Variants in C1QBP observed in about 807,000 individuals in gnomAD.
The protein encoded by C1QBP is complement component 1 Q subcomponent-binding protein, mitochondrial.
Under a neutral mutation model 29.4 loss-of-function variants are expected in C1QBP, and 24 were observed. That is an observed-to-expected ratio of 0.82 (90% CI 0.59 to 1.15). C1QBP has a LOEUF of 1.15. C1QBP is among the 50% of genes most tolerant of loss of function. The pLI is 0.00. For synonymous variants in C1QBP, 182 were observed against 149.2 expected (o/e 1.22, Z -1.60); for missense variants, 337 against 355.8 (o/e 0.95, Z 0.43).
rs549152443 is a variant in C1QBP, at chr17:5,434,905, G to A, written c.445C>T (p.Pro149Ser). 42 of 1,614,032 alleles carry A rather than the reference G, an allele frequency of 2.6e-5. No homozygotes were observed. In the African/African-American group the frequency reaches 4.1e-4, roughly 16 times the overall value. The change falls in exon 3 of 6, where the codon CCC (proline) becomes TCC (serine). Residue 149 changes from proline (P) to serine (S), a missense_variant. Coordinates refer to ENST00000225698, the MANE Select transcript of C1QBP (RefSeq NM_001212.4). ...TCTTCAACCTTCTGCCCTTGCGAGGGTTCCTCCTCACCATCAAATGTTGGT... is the reference window on the plus strand; with the variant it reads ...TCTTCAACCTTCTGCCCTTGCGAGGATTCCTCCTCACCATCAAATGTTGGT... ...IPPTFDGEEE[P>S]SQGQKVEEQE...
At chr17:5,438,437 A>G in intron 1 of C1QBP, 164 bp from the exon 2 acceptor site, 1 of 893,600 alleles carries the variant, frequency 1.1e-6, no homozygotes, top group Non-Finnish European at 1.6e-6. Context: ...CCATAATAGT[A>G]GTAGGAAGCT....
chr17:5,434,085 A>G (rs992294672), intron 3 of C1QBP: 2 of 326,372 alleles, frequency 6.1e-6, no homozygotes, highest in Non-Finnish European at 1.2e-5. Context: ...AGCTTTCCTA[A>G]AGTTTCAAGA....
chr17:5,436,869 T>C (rs543957142), intron 2 of C1QBP, among the ~76,000 whole-genome samples: 1 of 152,062 alleles, frequency 6.6e-6, no homozygotes, highest in East Asian at 1.9e-4. Flanking sequence ...AATACAAAAA[T>C]TAACCGGACG....
chr17:5,433,495 G>A, intron 4 of C1QBP, 80 bp from the exon 5 acceptor site: 1 of 1,579,764 alleles, frequency 6.3e-7, no homozygotes, highest in Admixed American at 1.7e-5. Context: ...GCCACTGACA[G>A]CATGAAACTC....
At chr17:5,436,279 G>C (rs1313801594) in intron 2 of C1QBP, among the ~76,000 whole-genome samples, 3 of 151,206 alleles carry the variant, frequency 2.0e-5, no homozygotes, top group Non-Finnish European at 2.9e-5. Context: ...TGCGCAAATG[G>C]TGTTTAGGTG....
Position 5,439,121 on chromosome 17 carries a change from C to G in C1QBP, c.-48G>C, listed in dbSNP as rs1448598636. On this transcript the variant is annotated 5_prime_UTR_variant, in exon 1 of 6. Transcript: ENST00000225698. ...TGCAGATGCAAAGGACAACCCAGGCCTAGGCGCCCCGCGACCTGAGGCGCC... is the reference window on the plus strand; with the variant it reads ...TGCAGATGCAAAGGACAACCCAGGCGTAGGCGCCCCGCGACCTGAGGCGCC... The G allele has an allele frequency of 2.6e-6, 4 of 1,534,750 alleles. No individual in the cohort carries two copies. Among genetic ancestry groups the G allele is most frequent in the African/African-American group, 2.8e-5 (2 of 71,336 alleles).
intron 2 of C1QBP, among the ~76,000 whole-genome samples, chr17:5,436,040 G>C (rs1266743788): frequency 8.0e-6 from 1 of 125,210 alleles, no homozygotes; most frequent in Non-Finnish European, 1.6e-5. Flanking sequence ...GCAAGACTCT[G>C]TCAGAAAAAA....
At chr17:5,437,098 T>C (rs1916294534) in intron 2 of C1QBP, among the ~76,000 whole-genome samples, 1 of 152,160 alleles carries the variant, frequency 6.6e-6, no homozygotes, top group African/African-American at 2.4e-5. Flanking sequence ...AGTGATTACC[T>C]GGGGTGGCTA....
intron 2 of C1QBP, 49 bp downstream of exon 2, chr17:5,438,074 T>A (rs2472613): frequency 1.3e-6 from 2 of 1,592,246 alleles, no homozygotes; most frequent in Non-Finnish European, 1.7e-6. Flanking sequence ...GGATGGGTCC[T>A]GCAAGGTTAA....
chr17:5,433,808 A>G, intron 3 of C1QBP, 41 bp from the exon 4 acceptor site: 1 of 1,546,382 alleles, frequency 6.5e-7, no homozygotes, highest in Non-Finnish European at 8.9e-7. Flanking sequence ...TGCTGGAAGG[A>G]GATGGATGGC....
In C1QBP at chr17:5,433,002, G is replaced by C; in HGVS notation, c.*13C>G. 6.2e-7 allele frequency: 1 copy of C among 1,604,402 alleles called. No individual in the cohort carries two copies. Among genetic ancestry groups the C allele is most frequent in the East Asian group, 2.2e-5 (1 of 44,780 alleles). On this transcript the variant is annotated 3_prime_UTR_variant, in exon 6 of 6. Transcript: ENST00000225698. The stretch of plus-strand genomic sequence containing the variant: ...GCCTGCCATGAAACTATGGCTTTCA[G>C]CATCTGTCTGCTCTACTGGCTCTTG...
rs565317994 is a variant in C1QBP, at chr17:5,438,131, G to T, written c.375C>A (p.Ala125=). The change falls in exon 2 of 6, where the codon GCC becomes GCA. Residue 125 remains alanine (A), a synonymous_variant. Transcript: ENST00000225698. ...GTEAKLVRKV[A]GEKITVTFNI... is the part of the protein sequence containing the mutation. ...CCCAGACCAGTACTTACTTTTCCCC[G>T]GCAACTTTCCGCACTAATTTCGCTT... is the stretch of plus-strand genomic sequence containing the variant. 138 of 1,612,012 alleles carry T rather than the reference G, an allele frequency of 8.6e-5. 2 individuals are homozygous for T. In the South Asian group the frequency reaches 1.3e-3, roughly 16 times the overall value.
Position 5,432,840 on chromosome 17 carries a change from G to C in C1QBP, c.*175C>G. The C allele has an allele frequency of 2.1e-6, 2 of 935,190 alleles. No homozygotes were observed. Among genetic ancestry groups the C allele is most frequent in the Non-Finnish European group, 3.0e-6 (2 of 658,080 alleles). 57.9% of individuals were successfully genotyped at this position (935,190 alleles called of 1,614,324 possible). A position where few individuals can be genotyped will look rare whatever the true frequency, so the allele number is the denominator to read the frequency against. On this transcript the variant is annotated 3_prime_UTR_variant, in exon 6 of 6. Coordinates refer to ENST00000225698, the MANE Select transcript of C1QBP (RefSeq NM_001212.4). Reference sequence around the variant, plus strand: ...ACAAAAATCTAGAAATAATAGATTTGTACAGAAAAAAATGATAATAAATGA... The same window carrying C: ...ACAAAAATCTAGAAATAATAGATTTCTACAGAAAAAAATGATAATAAATGA...
chr17:5,436,914 G>A (rs1261823230), intron 2 of C1QBP, among the ~76,000 whole-genome samples: 1 of 152,154 alleles, frequency 6.6e-6, no homozygotes, highest in Non-Finnish European at 1.5e-5. Context: ...GGCTGAGGCA[G>A]GAGAATTGTC....
Position 5,437,399 on chromosome 17 carries a change from C to T in C1QBP, c.383+724G>A, listed in dbSNP as rs1218666671. ...TTGCCCAGGCTGGAGCGCGGTGGCG[C>T]GATCTCGACTCACTGCAACCTCCAC... On this transcript the variant is annotated intron_variant, in intron 2 of 5. Coordinates refer to ENST00000225698, the MANE Select transcript of C1QBP (RefSeq NM_001212.4). 2.0e-5 allele frequency among the ~76,000 whole-genome samples: 3 copies of T among 152,212 alleles called. 1 individual carries two copies. The highest frequency in any genetic ancestry group is 4.4e-5 in the Non-Finnish European group (3 of 68,046).
At chr17:5,433,570 GAA>G in intron 4 of C1QBP, 97 bp downstream of exon 4, 5 of 1,533,206 alleles carry the variant, frequency 3.3e-6, no homozygotes, top group Admixed American at 1.7e-5. Flanking sequence ...GTCTAAGCTA[GAA>G]AAGTGTTTAA....
At position 5,438,374 on chromosome 17, in the gene C1QBP, T is replaced by A; in HGVS notation, c.233-101A>T. The A allele has an allele frequency of 2.9e-6, 4 of 1,369,544 alleles. No individual in the cohort carries two copies. In the South Asian group the frequency reaches 5.7e-5, roughly 19 times the overall value. The allele number at this position is 1,369,544 out of a possible 1,614,324, so 84.8% of individuals were successfully genotyped here. On this transcript the variant is annotated intron_variant, in intron 1 of 5. Coordinates refer to ENST00000225698, the MANE Select transcript of C1QBP (RefSeq NM_001212.4). ...AGCCAGAAACCTGGACTGTTTCTAA[T>A]CTCTCTGCTATTACGGTTACTCTAG...
At chr17:5,436,034 G>C (rs779921912) in intron 2 of C1QBP, among the ~76,000 whole-genome samples, 1 of 101,374 alleles carries the variant, frequency 9.9e-6, no homozygotes, top group Admixed American at 1.1e-4. Flanking sequence ...GACACAGCAA[G>C]ACTCTGTCAG....
In C1QBP at chr17:5,438,268, T is replaced by G; in HGVS notation, c.238A>C (p.Lys80Gln). The change falls in exon 2 of 6, where the codon AAA (lysine) becomes CAA (glutamine). Residue 80 changes from lysine (K) to glutamine (Q), a missense_variant. Physicochemically the swap from Lys to Gln is moderately conservative, Grantham distance 53. Transcript: ENST00000225698. ...GCGSLHTDGD[K>Q]AFVDFLSDEI... Reference sequence around the variant, plus strand: ...TCACTCAGGAAATCAACAAAAGCTTTGTCTCCTAGAAAAGAAATCCAGATA... The same window carrying G: ...TCACTCAGGAAATCAACAAAAGCTTGGTCTCCTAGAAAAGAAATCCAGATA... 1 of 1,613,278 alleles carries G rather than the reference T, an allele frequency of 6.2e-7. No individual in the cohort carries two copies. The highest frequency in any genetic ancestry group is 2.2e-5 in the East Asian group (1 of 44,884).
Sources: gnomAD v4.1 joint callset for allele counts (sites outside exome capture counted in the v4.1 genomes callset) on GRCh38, gnomAD v4.1.1 for gene constraint, MANE v1.5 for transcripts, NCBI Gene and HGNC (gene_info 2026-07-23, HGNC 2026-07-21) for gene names.